Variants in IQCH observed in about 807,000 individuals in gnomAD.
IQCH encodes IQ domain-containing protein H.
In IQCH, 98 loss-of-function variants were observed where a neutral mutation model predicts 117.0. That is an observed-to-expected ratio of 0.84 (90% CI 0.71 to 0.99). The LOEUF is 0.99. Among genes scored for constraint, IQCH ranks in the 50% least tolerant of loss-of-function variants. The pLI is 0.00. For missense variants in IQCH, 1,102 were observed against 1,243.8 expected (o/e 0.89, Z 1.72); for synonymous variants, 412 against 448.2 (o/e 0.92, Z 1.02).
chr15:67,453,809 C>G lies in IQCH; in HGVS notation c.2506-11318C>G, dbSNP rs1010194657. On this transcript the variant is annotated intron_variant, in intron 16 of 20. Transcript: ENST00000335894. The surrounding 1 kb of genome is among the most constrained non-coding windows in gnomAD (Gnocchi z 5.8). ...CTGCTGTCTTTTTGTTTGTCTGTGC[C>G]CTGCCCCCAGAGGTGGCGCCTACAG... 6.6e-6 allele frequency among the ~76,000 whole-genome samples: 1 copy of G among 152,214 alleles called. No individual in the cohort carries two copies. The highest frequency in any genetic ancestry group is 1.5e-5 in the Non-Finnish European group (1 of 68,038).
chr15:67,361,202 A>G (rs1374704937), intron 8 of IQCH, among the ~76,000 whole-genome samples: 6 of 152,178 alleles, frequency 3.9e-5, no homozygotes, highest in Non-Finnish European at 8.8e-5. Flanking sequence ...ATGCTTCCAC[A>G]TGGGTCAGCT....
chr15:67,445,403 A>G lies in IQCH; in HGVS notation c.2506-19724A>G, dbSNP rs551117356. On this transcript the variant is annotated intron_variant, in intron 16 of 20. Transcript: ENST00000335894. The surrounding 1 kb of genome is among the most constrained non-coding windows in gnomAD (Gnocchi z 4.3). ...ACTTTATCTTCCCCTGTCATGTTAC[A>G]TTCCTATCCCACCCCAGAGTACCTA... Among the ~76,000 whole-genome samples the G allele has an allele frequency of 6.6e-6, 1 of 152,276 alleles. No individual in the cohort carries two copies. Among genetic ancestry groups the G allele is most frequent in the South Asian group, 2.1e-4 (1 of 4,830 alleles).
chr15:67,397,052 G>A lies in IQCH; in HGVS notation c.1905+1489G>A, dbSNP rs140297911. Among the ~76,000 whole-genome samples, 17 of 152,324 alleles carry A rather than the reference G, an allele frequency of 1.1e-4. No homozygotes were observed. In the East Asian group the frequency reaches 3.1e-3, roughly 28 times the overall value. On this transcript the variant is annotated intron_variant, in intron 13 of 20. Coordinates refer to ENST00000335894, the MANE Select transcript of IQCH (RefSeq NM_001031715.3). ...TCATTAGCCACCACTGGAATTTGAA[G>A]ATAACAAGGTAGATTGCTTGACTCT...
chr15:67,461,645 G>C (rs2082797426), intron 16 of IQCH, among the ~76,000 whole-genome samples: 1 of 152,250 alleles, frequency 6.6e-6, no homozygotes. Context: ...TGAGAACCAA[G>C]GGGTTAGGGC....
rs2081497250 is a variant in IQCH, at chr15:67,413,315, A to G, written c.2098-3616A>G. On this transcript the variant is annotated intron_variant, in intron 14 of 20. Transcript: ENST00000335894. This position sits in a 1 kb window ranked among gnomAD's most constrained non-coding sequence, Gnocchi z 5.0. ...GGACCTTGTTGCTTCTTGGGAAAAC[A>G]GTGTTCTTAGCTTGTTAAACCACTG... Among the ~76,000 whole-genome samples, 1 of 152,144 alleles carries G rather than the reference A, an allele frequency of 6.6e-6. No individual in the cohort carries two copies. The highest frequency in any genetic ancestry group is 1.5e-5 in the Non-Finnish European group (1 of 68,022).
chr15:67,322,102 G>A (rs777068039), intron 4 of IQCH, among the ~76,000 whole-genome samples: 40 of 152,100 alleles, frequency 2.6e-4, no homozygotes, highest in Non-Finnish European at 3.5e-4. Flanking sequence ...TTTTCCTTTA[G>A]TTCTGACAAT....
chr15:67,449,067 GGTTGT>G (rs952516276), intron 16 of IQCH, among the ~76,000 whole-genome samples: 59 of 39,162 alleles, frequency 1.5e-3, no homozygotes, highest in African/African-American at 5.2e-3. Flanking sequence ...TTTTTGATGG[GGTTGT>G]TTGTTTTTTT....
chr15:67,477,890 T>C (rs2083244186), intron 18 of IQCH, among the ~76,000 whole-genome samples: 1 of 152,230 alleles, frequency 6.6e-6, no homozygotes. Context: ...TGTATTTGAC[T>C]GAAGTTCAAG....
At chr15:67,429,644 TACAC>T (rs1359649572) in intron 16 of IQCH, among the ~76,000 whole-genome samples, 1 of 152,248 alleles carries the variant, frequency 6.6e-6, no homozygotes, top group Non-Finnish European at 1.5e-5. Context: ...CTTACTCACA[TACAC>T]ACAGGTCTTA....
chr15:67,414,180 G>A (rs981022668), intron 14 of IQCH, among the ~76,000 whole-genome samples: 13 of 152,152 alleles, frequency 8.5e-5, no homozygotes, highest in Admixed American at 6.5e-4. Context: ...GAGGTTTCAC[G>A]TTTTATCTTA....
At chr15:67,414,921 C>A (rs1034222565) in intron 14 of IQCH, among the ~76,000 whole-genome samples, 2 of 152,072 alleles carry the variant, frequency 1.3e-5, no homozygotes, top group Non-Finnish European at 2.9e-5. Flanking sequence ...AGAGAGGGCC[C>A]AGGCTGTGAG....
chr15:67,276,332 A>G (rs1247516831), intron 3 of IQCH, among the ~76,000 whole-genome samples: 1 of 152,254 alleles, frequency 6.6e-6, no homozygotes, highest in Non-Finnish European at 1.5e-5. Context: ...TGGACATTAT[A>G]TTTAAAACAA....
chr15:67,393,264 T>C lies in IQCH; in HGVS notation c.1633-2027T>C, dbSNP rs1277914152. Reference sequence around the variant, plus strand: ...GCAAATTACAAATTCAGGACTGAAATGCAGGTGTTCTCCCCAGTCTAGTTC... The same window carrying C: ...GCAAATTACAAATTCAGGACTGAAACGCAGGTGTTCTCCCCAGTCTAGTTC... On this transcript the variant is annotated intron_variant, in intron 12 of 20. Transcript: ENST00000335894. The surrounding 1 kb of genome is among the most constrained non-coding windows in gnomAD (Gnocchi z 5.5). Among the ~76,000 whole-genome samples, 2 of 152,228 alleles carry C rather than the reference T, an allele frequency of 1.3e-5. No homozygotes were observed. The highest frequency in any genetic ancestry group is 2.9e-5 in the Non-Finnish European group (2 of 68,040).
chr15:67,281,763 C>G (rs1418520692), intron 4 of IQCH: 1 of 454,744 alleles, frequency 2.2e-6, no homozygotes, highest in South Asian at 1.6e-5. Flanking sequence ...CAAAATATGT[C>G]AAAGTACATA....
At position 67,406,908 on chromosome 15, in the gene IQCH, C is replaced by T. The variant is rs1567162228; in HGVS notation, c.2097+6603C>T. The T allele has an allele frequency of 6.6e-6, 1 of 152,164 alleles. No homozygotes were observed. Among genetic ancestry groups the T allele is most frequent in the Non-Finnish European group, 1.5e-5 (1 of 68,024 alleles). The allele number at this position is 152,164 out of a possible 1,614,324, so 9.4% of individuals were successfully genotyped here. A position where few individuals can be genotyped will look rare whatever the true frequency, so the allele number is the denominator to read the frequency against. On this transcript the variant is annotated intron_variant, in intron 14 of 20. Coordinates refer to ENST00000335894, the MANE Select transcript of IQCH (RefSeq NM_001031715.3). This position sits in a 1 kb window ranked among gnomAD's most constrained non-coding sequence, Gnocchi z 4.5. ...ATAATAAGACTTTAAGAAATGCTAC[C>T]TATTATTATTGTTGTTATTATTACC...
rs938532952 is a variant in IQCH, at chr15:67,407,022, C to T, written c.2097+6717C>T. The T allele has an allele frequency of 4.6e-5, 7 of 152,172 alleles. No individual in the cohort carries two copies. Among genetic ancestry groups the T allele is most frequent in the Non-Finnish European group, 7.4e-5 (5 of 68,024 alleles). 9.4% of individuals were successfully genotyped at this position (152,172 alleles called of 1,614,324 possible). ...TTGGTGATTCAGAAGGTTCTTTAGG[C>T]TCTGGTAGGCTTCCAGGATATTGCT... is the stretch of plus-strand genomic sequence containing the variant. On this transcript the variant is annotated intron_variant, in intron 14 of 20. Coordinates refer to ENST00000335894, the MANE Select transcript of IQCH (RefSeq NM_001031715.3). The surrounding 1 kb of genome is among the most constrained non-coding windows in gnomAD (Gnocchi z 5.3).
Position 67,388,467 on chromosome 15 carries a change from A to T in IQCH, c.1457-364A>T, listed in dbSNP as rs930886165. 6.6e-6 allele frequency among the ~76,000 whole-genome samples: 1 copy of T among 152,188 alleles called. No homozygotes were observed. The highest frequency in any genetic ancestry group is 2.4e-5 in the African/African-American group (1 of 41,456). On this transcript the variant is annotated intron_variant, in intron 11 of 20. Coordinates refer to ENST00000335894, the MANE Select transcript of IQCH (RefSeq NM_001031715.3). The surrounding 1 kb of genome is among the most constrained non-coding windows in gnomAD (Gnocchi z 5.5). ...AGTAGCTCTGTTTTATAATTTACTG[A>T]AGTTAATGGAATAAATTTTTAAAGC...
At chr15:67,409,036 A>G (rs2081375988) in intron 14 of IQCH, among the ~76,000 whole-genome samples, 1 of 152,204 alleles carries the variant, frequency 6.6e-6, no homozygotes, top group Non-Finnish European at 1.5e-5. Context: ...ATCATTCCCC[A>G]AACATGAACA....
chr15:67,276,507 G>A (rs948952794), intron 3 of IQCH, among the ~76,000 whole-genome samples: 1 of 152,002 alleles, frequency 6.6e-6, no homozygotes. Flanking sequence ...TCCTTTAATG[G>A]TTCTTGCAAG....
Sources: allele counts gnomAD v4.1 joint callset (sites outside exome capture counted in the v4.1 genomes callset), GRCh38; gene constraint gnomAD v4.1.1; non-coding constraint Gnocchi (gnomAD v3.1); transcripts MANE v1.5; gene names NCBI Gene and HGNC (gene_info 2026-07-23, HGNC 2026-07-21).